Variants in RPH3A observed in about 807,000 individuals in gnomAD.
RPH3A encodes the protein rabphilin 3A.
A neutral mutation model predicts 102.2 loss-of-function variants in RPH3A; 48 were observed. That is an observed-to-expected ratio of 0.47 (90% CI 0.37 to 0.60). The LOEUF (loss-of-function observed/expected upper bound fraction) is 0.60, where lower values mean the gene tolerates loss of function less well. Among genes scored for constraint, RPH3A ranks in the 20% least tolerant of loss-of-function variants. RPH3A has a pLI of 0.00. For synonymous variants in RPH3A, 310 were observed against 324.3 expected, an observed-to-expected ratio of 0.96 and a Z score of 0.47; for missense variants, 781 against 910.1, an observed-to-expected ratio of 0.86 and a Z score of 1.83.
chr12:112,749,845 C>T (rs1201315547), intron 1 of RPH3A, among the ~76,000 whole-genome samples: 1 of 152,182 alleles, frequency 6.6e-6, no homozygotes, highest in Admixed American at 6.5e-5. Context: ...ATATTAAAAA[C>T]CCTGATTCAC....
chr12:112,826,418 G>A (rs1024770643), intron 2 of RPH3A, among the ~76,000 whole-genome samples: 2 of 152,140 alleles, frequency 1.3e-5, no homozygotes, highest in African/African-American at 4.8e-5. Context: ...GAGCAAAAGA[G>A]TGACATAACT....
intron 1 of RPH3A, among the ~76,000 whole-genome samples, chr12:112,699,018 T>C (rs1293450800): frequency 1.3e-5 from 2 of 150,832 alleles, no homozygotes; most frequent in African/African-American, 4.9e-5. Context: ...CCTCCTGGAC[T>C]CAAGTGATCC....
At chr12:112,838,231 C>T (rs2042086218) in intron 4 of RPH3A, among the ~76,000 whole-genome samples, 2 of 152,152 alleles carry the variant, frequency 1.3e-5, no homozygotes, top group African/African-American at 4.8e-5. Flanking sequence ...AGAGGAGTTC[C>T]CAGTGGGGGA....
At chr12:112,617,281 A>G (rs1161078342) in intron 1 of RPH3A, among the ~76,000 whole-genome samples, 2 of 152,188 alleles carry the variant, frequency 1.3e-5, no homozygotes, top group African/African-American at 4.8e-5. Context: ...TAAGACTTGC[A>G]AATCCACGCT....
chr12:112,717,911 T>C (rs986324565), intron 1 of RPH3A: 1 of 152,164 alleles, frequency 6.6e-6, no homozygotes, highest in Non-Finnish European at 1.5e-5. Context: ...ATTGTGTTGT[T>C]GTTGATAGTC....
At chr12:112,721,495 G>A (rs2040550508) in intron 1 of RPH3A, among the ~76,000 whole-genome samples, 1 of 152,118 alleles carries the variant, frequency 6.6e-6, no homozygotes. Flanking sequence ...CAGACTCCAA[G>A]GAATCTATTA....
rs113636126 is a variant in RPH3A at position 112,809,243 on chromosome 12, T to C, written c.-19+16980T>C. 1.1e-4 allele frequency among the ~76,000 whole-genome samples: 17 copies of C among 152,256 alleles called. 1 individual carries two copies. The highest frequency in any genetic ancestry group is 3.9e-4 in the African/African-American group (16 of 41,546). On this transcript the variant is annotated intron_variant, in intron 2 of 21. Coordinates refer to ENST00000389385, the MANE Select transcript of RPH3A (RefSeq NM_001143854.2). ...TATTTGAGGGCTGTTGTTTGGTATG[T>C]CAGTGGGGAGTTCATGAGGGTTTCC...
At chr12:112,829,923 G>A (rs957364973) in intron 3 of RPH3A, among the ~76,000 whole-genome samples, 1 of 152,216 alleles carries the variant, frequency 6.6e-6, no homozygotes, top group Admixed American at 6.5e-5. Flanking sequence ...TGAAAGACAA[G>A]TGTTAAAGTC....
intron 3 of RPH3A, among the ~76,000 whole-genome samples, chr12:112,828,739 G>A (rs1268424721): frequency 2.6e-5 from 4 of 152,288 alleles, no homozygotes; most frequent in East Asian, 3.9e-4. Flanking sequence ...TTACCTCATC[G>A]GTCAAATAAG....
At chr12:112,880,327 T>C (rs2042886654) in intron 14 of RPH3A, among the ~76,000 whole-genome samples, 1 of 152,212 alleles carries the variant, frequency 6.6e-6, no homozygotes, top group Admixed American at 6.5e-5. Flanking sequence ...TGGCAAGCAC[T>C]TAGAAGCACT....
At chr12:112,779,766 G>A (rs1054335072) in intron 1 of RPH3A, among the ~76,000 whole-genome samples, 1 of 152,154 alleles carries the variant, frequency 6.6e-6, no homozygotes, top group African/African-American at 2.4e-5. Context: ...ACCTCAGAAT[G>A]TGACCTTATT....
chr12:112,860,136 T>G (rs1364395440), intron 5 of RPH3A, among the ~76,000 whole-genome samples: 1 of 152,216 alleles, frequency 6.6e-6, no homozygotes, highest in Non-Finnish European at 1.5e-5. Flanking sequence ...TTGACTTGGC[T>G]TTTTGCAAAG....
intron 1 of RPH3A, among the ~76,000 whole-genome samples, chr12:112,784,368 T>C (rs563725652): frequency 6.6e-6 from 1 of 152,262 alleles, no homozygotes; most frequent in African/African-American, 2.4e-5. Context: ...GCCACTCCAG[T>C]ATTGCTCTTC....
chr12:112,726,325 G>A (rs2040590494), intron 1 of RPH3A, among the ~76,000 whole-genome samples: 1 of 151,816 alleles, frequency 6.6e-6, no homozygotes, highest in East Asian at 2.0e-4. Context: ...ATGTTGGCCA[G>A]GCTGGTCTTG....
chr12:112,801,590 A>G (rs769760231), intron 2 of RPH3A, among the ~76,000 whole-genome samples: 6 of 152,152 alleles, frequency 3.9e-5, no homozygotes, highest in Non-Finnish European at 8.8e-5. Context: ...GGTTTTAATT[A>G]TAATGAGAGG....
intron 7 of RPH3A, 56 bp from the exon 8 acceptor site, chr12:112,868,374 G>T: frequency 1.3e-6 from 2 of 1,577,784 alleles, no homozygotes; most frequent in East Asian, 4.5e-5. Flanking sequence ...ACTCATGAAG[G>T]TAAGAGCAAC....
At chr12:112,612,214 A>C (rs1319406966) in intron 1 of RPH3A, among the ~76,000 whole-genome samples, 1 of 152,196 alleles carries the variant, frequency 6.6e-6, no homozygotes. Context: ...GAGGCCTTTA[A>C]TTAGAGCCTT....
chr12:112,812,535 A>G (rs1412477375), intron 2 of RPH3A, among the ~76,000 whole-genome samples: 2 of 152,224 alleles, frequency 1.3e-5, no homozygotes, highest in African/African-American at 4.8e-5. Context: ...AGGGTGTGAA[A>G]AAAGTTTTAC....
At position 112,813,097 on chromosome 12, in the gene RPH3A, G is replaced by A. The variant is rs115369019; in HGVS notation, c.-18-15204G>A. On this transcript the variant is annotated intron_variant, in intron 2 of 21. Transcript: ENST00000389385. Reference sequence around the variant, plus strand: ...CTTGTTTTTCTTAGAAGGAAAGAAAGGCATAGAGAGGTTAAGTAACCATCT... The same window carrying A: ...CTTGTTTTTCTTAGAAGGAAAGAAAAGCATAGAGAGGTTAAGTAACCATCT... Among the ~76,000 whole-genome samples, 643 of 152,316 alleles carry A rather than the reference G, an allele frequency of 4.2e-3. 4 individuals are homozygous for A. The highest frequency in any genetic ancestry group is 0.015 in the African/African-American group (611 of 41,570).
Sources: gnomAD v4.1 joint callset for allele counts (sites outside exome capture counted in the v4.1 genomes callset) on GRCh38, gnomAD v4.1.1 for gene constraint, MANE v1.5 for transcripts, NCBI Gene and HGNC (gene_info 2026-07-23, HGNC 2026-07-21) for gene names.